The following CPNE4 variants were observed in gnomAD, a reference collection of about 807,000 sequenced individuals.
The protein encoded by CPNE4 is copine-4.
Under a neutral mutation model 67.9 loss-of-function variants are expected in CPNE4, and 25 were observed. The ratio of observed to expected loss-of-function variants is 0.37; its 90% CI spans 0.27 to 0.51. The LOEUF (loss-of-function observed/expected upper bound fraction) is 0.51. CPNE4 is among the 20% of genes least tolerant of loss of function. The pLI is 0.93. For missense variants in CPNE4, 464 were observed against 690.8 expected (o/e 0.67, Z 3.68); for synonymous variants, 242 against 244.9 (o/e 0.99, Z 0.11).
intron 1 of CPNE4, among the ~76,000 whole-genome samples, chr3:131,952,949 CCTGTGCTCTCTGAAA>C (rs1282025127): frequency 6.6e-6 from 1 of 152,024 alleles, no homozygotes; most frequent in African/African-American, 2.4e-5. Context: ...TACCCCCAAC[CCTGTGCTCTCTGAAA>C]CATGTGCTGT....
At chr3:131,563,104 TA>T (rs1936869594) in intron 11 of CPNE4, among the ~76,000 whole-genome samples, 2 of 152,156 alleles carry the variant, frequency 1.3e-5, no homozygotes, top group Admixed American at 1.3e-4. Context: ...CTGTACATTC[TA>T]GTCCTTAAAA....
chr3:131,541,526 T>C (rs991889490), intron 15 of CPNE4, among the ~76,000 whole-genome samples: 4 of 152,078 alleles, frequency 2.6e-5, no homozygotes, highest in African/African-American at 7.2e-5. Flanking sequence ...TATAGAAAAC[T>C]GATAGCAGGC....
chr3:131,674,431 G>A (rs1186930540), intron 6 of CPNE4, among the ~76,000 whole-genome samples: 1 of 151,980 alleles, frequency 6.6e-6, no homozygotes, highest in African/African-American at 2.4e-5. Flanking sequence ...GTAGAATTCA[G>A]CAGTGAAGCC....
chr3:132,033,139 G>A (rs1036209949), intron 1 of CPNE4, among the ~76,000 whole-genome samples: 9 of 152,264 alleles, frequency 5.9e-5, no homozygotes, highest in African/African-American at 2.2e-4. Context: ...GTATGTGTGC[G>A]CGCGGGGGCG....
At chr3:131,897,257 T>C in intron 2 of CPNE4, among the ~76,000 whole-genome samples, 1 of 152,140 alleles carries the variant, frequency 6.6e-6, no homozygotes, top group East Asian at 1.9e-4. Flanking sequence ...ATCCCACTTC[T>C]CACTAGTCTC....
At chr3:131,966,629 A>G (rs2072357138) in intron 1 of CPNE4, among the ~76,000 whole-genome samples, 1 of 152,180 alleles carries the variant, frequency 6.6e-6, no homozygotes, top group Non-Finnish European at 1.5e-5. Context: ...TAGAAGAAAC[A>G]GATAAATTCC....
chr3:131,777,682 C>T (rs1040213051), intron 2 of CPNE4, among the ~76,000 whole-genome samples: 8 of 152,020 alleles, frequency 5.3e-5, no homozygotes, highest in African/African-American at 1.9e-4. Context: ...TTTATAATCC[C>T]ATTGGTATTA....
intron 10 of CPNE4, among the ~76,000 whole-genome samples, chr3:131,571,600 C>A (rs190442799): frequency 1.3e-5 from 2 of 152,116 alleles, no homozygotes; most frequent in East Asian, 3.9e-4. Flanking sequence ...CTTAGTGCTT[C>A]TCTTTCCACA....
intron 7 of CPNE4, among the ~76,000 whole-genome samples, chr3:131,621,001 T>C (rs1041885122): frequency 2.6e-5 from 4 of 152,312 alleles, no homozygotes; most frequent in Admixed American, 2.6e-4. Flanking sequence ...GTGGTTTTTG[T>C]CTGTTATTTC....
At position 131,862,870 on chromosome 3, in the gene CPNE4, C is replaced by A. The variant is rs2086751843; in HGVS notation, c.180+42394G>T. On this transcript the variant is annotated intron_variant, in intron 2 of 15. Transcript: ENST00000429747. ...CTATCCCTCCCCCATCCCCCCACCCCACAACAGGCCCCAGTGTGTGATGTT... is the reference window on the plus strand; with the variant it reads ...CTATCCCTCCCCCATCCCCCCACCCAACAACAGGCCCCAGTGTGTGATGTT... 2.0e-5 allele frequency among the ~76,000 whole-genome samples: 3 copies of A among 151,728 alleles called. No individual in the cohort carries two copies. In the South Asian group the frequency reaches 6.3e-4, roughly 32 times the overall value.
intron 2 of CPNE4, among the ~76,000 whole-genome samples, chr3:131,772,160 G>A (rs1164296285): frequency 1.3e-5 from 2 of 152,050 alleles, no homozygotes; most frequent in African/African-American, 4.8e-5. Context: ...AGCATCACAA[G>A]GCTTGGCTGC....
intron 2 of CPNE4, among the ~76,000 whole-genome samples, chr3:131,833,167 C>A (rs551931070): frequency 6.6e-6 from 1 of 152,122 alleles, no homozygotes; most frequent in Non-Finnish European, 1.5e-5. Context: ...ATTTTCCAGT[C>A]CCTAGAACTG....
At chr3:131,983,583 G>T (rs1363133073) in intron 1 of CPNE4, among the ~76,000 whole-genome samples, 2 of 151,902 alleles carry the variant, frequency 1.3e-5, no homozygotes, top group African/African-American at 4.8e-5. Context: ...TTTGTATAAG[G>T]GTATAATTTA....
intron 3 of CPNE4, among the ~76,000 whole-genome samples, chr3:131,715,622 T>C (rs924233958): frequency 5.9e-5 from 9 of 152,212 alleles, no homozygotes; most frequent in African/African-American, 7.2e-5. Context: ...AAGTGCAGTA[T>C]AGCAACAGCT....
intron 1 of CPNE4, among the ~76,000 whole-genome samples, chr3:132,029,369 C>T (rs2074189214): frequency 6.6e-6 from 1 of 152,190 alleles, no homozygotes; most frequent in South Asian, 2.1e-4. Flanking sequence ...CCTGAGAAAA[C>T]CAATATCCCC....
intron 1 of CPNE4, among the ~76,000 whole-genome samples, chr3:132,029,231 G>C (rs968786801): frequency 1.3e-5 from 2 of 152,182 alleles, no homozygotes; most frequent in African/African-American, 4.8e-5. Context: ...GAGGAGTTTT[G>C]AGAGTAGTCA....
chr3:131,764,225 C>CA (rs1257471291), intron 2 of CPNE4, among the ~76,000 whole-genome samples: 5 of 144,202 alleles, frequency 3.5e-5, no homozygotes, highest in Admixed American at 2.8e-4. Flanking sequence ...GGTGAGTGAG[C>CA]AAAAAAAAGC....
At chr3:131,583,456 G>T (rs140220239) in intron 8 of CPNE4, among the ~76,000 whole-genome samples, 17 of 152,282 alleles carry the variant, frequency 1.1e-4, no homozygotes, top group African/African-American at 4.1e-4. Flanking sequence ...GGAAAGAAAA[G>T]ACACTAAAAT....
chr3:131,839,357 A>G (rs912701946), intron 2 of CPNE4, among the ~76,000 whole-genome samples: 1 of 151,814 alleles, frequency 6.6e-6, no homozygotes, highest in Non-Finnish European at 1.5e-5. Flanking sequence ...ATATAACACC[A>G]TGGGAAAATG....
Sources: gnomAD v4.1 joint callset for allele counts (sites outside exome capture counted in the v4.1 genomes callset) on GRCh38, gnomAD v4.1.1 for gene constraint, MANE v1.5 for transcripts, NCBI Gene and HGNC (gene_info 2026-07-23, HGNC 2026-07-21) for gene names.